PHACTR3: variants seen among roughly 807,000 people sequenced by gnomAD.
PHACTR3 encodes the protein protein phosphatase 1, regulatory subunit 123.
In PHACTR3, 16 loss-of-function variants were observed where a neutral mutation model predicts 66.8. The observed-to-expected ratio is 0.24, with a 90% confidence interval of 0.16 to 0.36. The LOEUF (loss-of-function observed/expected upper bound fraction) is 0.36, where lower values mean the gene tolerates loss of function less well. PHACTR3 is among the 10% of genes least tolerant of loss of function. PHACTR3 has a pLI of 1.00. For synonymous variants in PHACTR3, 323 were observed against 292.1 expected (o/e 1.11, Z -1.08); for missense variants, 647 against 719.9 (o/e 0.90, Z 1.16).
chr20:59,764,110 C>T (rs2040094873), intron 4 of PHACTR3, among the ~76,000 whole-genome samples: 1 of 151,926 alleles, frequency 6.6e-6, no homozygotes, highest in South Asian at 2.1e-4. Context: ...CTGTCAATAG[C>T]TCAGAGGGAT....
intron 1 of PHACTR3, among the ~76,000 whole-genome samples, chr20:59,672,146 G>T (rs944421929): frequency 6.6e-6 from 1 of 152,238 alleles, no homozygotes; most frequent in African/African-American, 2.4e-5. Flanking sequence ...GGTGCCACTG[G>T]CATCTCATGG....
chr20:59,707,500 T>A (rs6015555), intron 1 of PHACTR3, among the ~76,000 whole-genome samples: 19,856 of 143,088 alleles, frequency 0.14, 4,466 homozygotes, highest in African/African-American at 0.48. Flanking sequence ...TCTCTCTGTC[T>A]CCCAGGTTGG....
intron 1 of PHACTR3, among the ~76,000 whole-genome samples, chr20:59,592,811 A>G (rs2033221478): frequency 6.6e-6 from 1 of 151,258 alleles, no homozygotes; most frequent in South Asian, 2.1e-4. Context: ...CCTCCATATA[A>G]TTTCTTGGCT....
intron 11 of PHACTR3, chr20:59,843,459 A>G (rs958963580): frequency 6.6e-6 from 1 of 152,064 alleles, no homozygotes; most frequent in African/African-American, 2.4e-5. Context: ...ATAAGGTTAT[A>G]CTACCAGCAT....
chr20:59,735,671 A>G (rs1331009138), intron 1 of PHACTR3, among the ~76,000 whole-genome samples: 1 of 152,150 alleles, frequency 6.6e-6, no homozygotes, highest in African/African-American at 2.4e-5. Flanking sequence ...CACAGGGTCG[A>G]GCAGGTGTTT....
chr20:59,817,861 G>C (rs527939316), intron 8 of PHACTR3, among the ~76,000 whole-genome samples: 1 of 152,220 alleles, frequency 6.6e-6, no homozygotes. Flanking sequence ...GATTTGGCCC[G>C]GGACCACCCA....
chr20:59,812,182 G>A (rs6015584), intron 8 of PHACTR3, among the ~76,000 whole-genome samples: 12,496 of 152,272 alleles, frequency 0.082, 917 homozygotes, highest in East Asian at 0.39. Flanking sequence ...AATTTTGCCC[G>A]AAGAGAGAGG....
At chr20:59,770,545 GT>G (rs1352267373) in intron 5 of PHACTR3, among the ~76,000 whole-genome samples, 2 of 152,162 alleles carry the variant, frequency 1.3e-5, no homozygotes, top group African/African-American at 2.4e-5. Context: ...AAATTTATTC[GT>G]CACTCTTCTA....
intron 9 of PHACTR3, among the ~76,000 whole-genome samples, chr20:59,837,844 T>C (rs548049160): frequency 6.6e-6 from 1 of 152,334 alleles, no homozygotes; most frequent in Admixed American, 6.5e-5. Context: ...AAGAGAGTAC[T>C]ACAGCCCAGA....
intron 1 of PHACTR3, among the ~76,000 whole-genome samples, chr20:59,662,488 C>T (rs1195563296): frequency 1.3e-5 from 2 of 152,038 alleles, no homozygotes; most frequent in African/African-American, 2.4e-5. Context: ...ACGAAAGGCC[C>T]ATGAGTCTGG....
chr20:59,603,889 C>G (rs2033560049), upstream of PHACTR3: 1 of 152,854 alleles, frequency 6.5e-6, no homozygotes, highest in Admixed American at 6.5e-5. Context: ...CTGTGTTCAC[C>G]CCACACCACC....
At chr20:59,694,331 G>A (rs536705008) in intron 1 of PHACTR3, among the ~76,000 whole-genome samples, 22 of 152,234 alleles carry the variant, frequency 1.4e-4, no homozygotes, top group Non-Finnish European at 2.4e-4. Context: ...ACAGGTGGAA[G>A]TGAACTTGTT....
At chr20:59,776,339 G>C (rs2040534618) in intron 7 of PHACTR3, among the ~76,000 whole-genome samples, 1 of 152,238 alleles carries the variant, frequency 6.6e-6, no homozygotes, top group South Asian at 2.1e-4. Context: ...TGGTCATGCA[G>C]CTCGTTGGTG....
At chr20:59,608,899 G>A (rs992122266) in intron 1 of PHACTR3, among the ~76,000 whole-genome samples, 4 of 152,300 alleles carry the variant, frequency 2.6e-5, no homozygotes, top group South Asian at 4.1e-4. Context: ...TTCTAGACTG[G>A]GAGCCTCTTG....
intron 7 of PHACTR3, among the ~76,000 whole-genome samples, chr20:59,792,050 A>G (rs1242782753): frequency 6.6e-6 from 1 of 152,060 alleles, no homozygotes; most frequent in Non-Finnish European, 1.5e-5. Context: ...CTCACCTAGG[A>G]ATAGAAGGGA....
chr20:59,804,241 C>G, intron 7 of PHACTR3, among the ~76,000 whole-genome samples: 1 of 152,120 alleles, frequency 6.6e-6, no homozygotes, highest in Non-Finnish European at 1.5e-5. Flanking sequence ...GAATGACTTG[C>G]TCCTAGCACA....
At chr20:59,700,330 G>T (rs553713815) in intron 1 of PHACTR3, among the ~76,000 whole-genome samples, 1 of 151,570 alleles carries the variant, frequency 6.6e-6, no homozygotes, top group African/African-American at 2.4e-5. Flanking sequence ...GTGCTACCTC[G>T]AATAATCTTT....
rs1398104918 is a variant in PHACTR3, at chr20:59,684,131, G to T, written c.119-58976G>T. ...TGGGAAGGATAAAAGGATACAAGTG[G>T]GTTGGTTTCACTTCCCTCTGGGCAC... is the stretch of plus-strand genomic sequence containing the variant. On this transcript the variant is annotated intron_variant, in intron 1 of 12. Coordinates refer to ENST00000371015, the MANE Select transcript of PHACTR3 (RefSeq NM_080672.5). 2.0e-5 allele frequency among the ~76,000 whole-genome samples: 3 copies of T among 152,292 alleles called. No homozygotes were observed. The East Asian group carries it at 5.8e-4, about 29-fold the overall frequency.
At chr20:59,828,959 CGGATGGAT>C (rs1302299731) in intron 8 of PHACTR3, among the ~76,000 whole-genome samples, 7 of 151,680 alleles carry the variant, frequency 4.6e-5, no homozygotes, top group Admixed American at 4.6e-4. Context: ...GATGGATGGA[CGGATGGAT>C]GGATGCAAGC....
Sources: gnomAD v4.1 joint callset for allele counts (sites outside exome capture counted in the v4.1 genomes callset) on GRCh38, gnomAD v4.1.1 for gene constraint, MANE v1.5 for transcripts, NCBI Gene and HGNC (gene_info 2026-07-23, HGNC 2026-07-21) for gene names.